The following AKAP6 variants were observed in gnomAD, a reference collection of about 807,000 sequenced individuals.
AKAP6 encodes the protein A-kinase anchoring protein 6, also known as A-kinase anchor protein 6.
A neutral mutation model predicts 188.5 loss-of-function variants in AKAP6; 58 were observed. The observed-to-expected ratio is 0.31, with a 90% CI of 0.25 to 0.38. AKAP6 has a LOEUF of 0.38. Among genes scored for constraint, AKAP6 ranks in the 10% least tolerant of loss-of-function variants. The pLI is 1.00. For missense variants in AKAP6, 2,710 were observed against 2,740.0 expected (o/e 0.99, Z 0.24); for synonymous variants, 989 against 998.6 (o/e 0.99, Z 0.18).
At chr14:32,490,111 G>A (rs10141505) in intron 2 of AKAP6, among the ~76,000 whole-genome samples, 73,842 of 149,142 alleles carry the variant, frequency 0.5, 19,469 homozygotes, top group East Asian at 0.86. Flanking sequence ...CTTCTTAAGG[G>A]TGAGGGAGGT....
intron 11 of AKAP6, among the ~76,000 whole-genome samples, chr14:32,773,208 A>C (rs2032952369): frequency 6.6e-6 from 1 of 152,008 alleles, no homozygotes; most frequent in African/African-American, 2.4e-5. Flanking sequence ...AATTCTTTGC[A>C]ATCTTGTTTA....
At chr14:32,798,045 G>T (rs2033827274) in intron 12 of AKAP6, among the ~76,000 whole-genome samples, 1 of 151,080 alleles carries the variant, frequency 6.6e-6, no homozygotes, top group Non-Finnish European at 1.5e-5. Context: ...AAATCAACAA[G>T]AAAATAACAA....
chr14:32,545,796 G>A lies in AKAP6; in HGVS notation c.1143G>A (p.Glu381=), dbSNP rs146358099. 143 of 1,614,000 alleles carry A rather than the reference G, an allele frequency of 8.9e-5. No individual in the cohort carries two copies. Among genetic ancestry groups the A allele is most frequent in the Non-Finnish European group, 1.1e-4 (131 of 1,180,024 alleles). ...TCAGAGATTGCTTTAATTATAACGA[G>A]GACTCTCCCACGCAGCCTACATTGC... ...RTIRDCFNYN[E]DSPTQPTLPK... Residue 381 remains glutamate, a synonymous_variant, in exon 4 of 14, where the codon GAG becomes GAA. Transcript: ENST00000280979.
chr14:32,488,590 C>T (rs1469211041), intron 2 of AKAP6, among the ~76,000 whole-genome samples: 1 of 152,182 alleles, frequency 6.6e-6, no homozygotes, highest in Non-Finnish European at 1.5e-5. Flanking sequence ...AAAAGAAACT[C>T]CTGCAGCTAG....
At chr14:32,576,305 G>A (rs533444621) in intron 4 of AKAP6, among the ~76,000 whole-genome samples, 1 of 152,168 alleles carries the variant, frequency 6.6e-6, no homozygotes, top group South Asian at 2.1e-4. Context: ...ACCCAGACAC[G>A]GAAAGCAGGA....
chr14:32,673,973 G>A (rs1889326802), intron 7 of AKAP6, among the ~76,000 whole-genome samples: 1 of 152,110 alleles, frequency 6.6e-6, no homozygotes, highest in Non-Finnish European at 1.5e-5. Flanking sequence ...AATTAATCTG[G>A]ATATGAAATA....
At chr14:32,760,696 A>C (rs1312301346) in intron 11 of AKAP6, among the ~76,000 whole-genome samples, 1 of 152,198 alleles carries the variant, frequency 6.6e-6, no homozygotes, top group Non-Finnish European at 1.5e-5. Flanking sequence ...CCTCTAAAGG[A>C]AAATTAGCTT....
intron 7 of AKAP6, among the ~76,000 whole-genome samples, chr14:32,649,016 A>G (rs906192803): frequency 2.0e-5 from 3 of 152,176 alleles, no homozygotes; most frequent in Non-Finnish European, 2.9e-5. Context: ...ATGGATTTCA[A>G]AATAATTAAT....
chr14:32,548,541 GATA>G (rs1883306368), intron 4 of AKAP6, among the ~76,000 whole-genome samples: 1 of 137,104 alleles, frequency 7.3e-6, no homozygotes, highest in Admixed American at 7.4e-5. Context: ...TAGATAGATA[GATA>G]GATAGATAGA....
At chr14:32,457,124 A>G (rs1361260087) in intron 2 of AKAP6, among the ~76,000 whole-genome samples, 1 of 152,226 alleles carries the variant, frequency 6.6e-6, no homozygotes, top group Non-Finnish European at 1.5e-5. Context: ...ATTAAATGGA[A>G]AAAAACAAAT....
intron 11 of AKAP6, among the ~76,000 whole-genome samples, chr14:32,755,064 C>G (rs1048741105): frequency 6.6e-6 from 1 of 152,166 alleles, no homozygotes; most frequent in African/African-American, 2.4e-5. Flanking sequence ...GAAATTTTCT[C>G]TCACTGTTTC....
chr14:32,753,526 G>A (rs1420201590), intron 11 of AKAP6, among the ~76,000 whole-genome samples: 1 of 152,018 alleles, frequency 6.6e-6, no homozygotes. Context: ...TTAGTTTGAT[G>A]TAATTCTATC....
chr14:32,610,190 A>G (rs953740791), intron 7 of AKAP6, among the ~76,000 whole-genome samples: 3 of 152,176 alleles, frequency 2.0e-5, no homozygotes, highest in Non-Finnish European at 4.4e-5. Flanking sequence ...CTTAGGTTCC[A>G]AACGGAGTAG....
chr14:32,340,032 T>C (rs943313660), intron 1 of AKAP6, among the ~76,000 whole-genome samples: 5 of 151,720 alleles, frequency 3.3e-5, no homozygotes, highest in Non-Finnish European at 7.4e-5. Flanking sequence ...ATTTTTAGAA[T>C]GCCTTTTTCT....
intron 4 of AKAP6, among the ~76,000 whole-genome samples, chr14:32,574,289 G>C (rs1302048631): frequency 6.6e-6 from 1 of 152,164 alleles, no homozygotes; most frequent in Non-Finnish European, 1.5e-5. Context: ...AAGAAACCCA[G>C]AGAGAATCCT....
chr14:32,483,531 C>A (rs1879478636), intron 2 of AKAP6, among the ~76,000 whole-genome samples: 4 of 152,040 alleles, frequency 2.6e-5, no homozygotes, highest in Admixed American at 2.6e-4. Flanking sequence ...TTTGCCCAGG[C>A]TGGAGCACAA....
At chr14:32,494,769 A>C (rs2138959739) in intron 2 of AKAP6, among the ~76,000 whole-genome samples, 1 of 152,124 alleles carries the variant, frequency 6.6e-6, no homozygotes, top group South Asian at 2.1e-4. Context: ...CACATCTCTA[A>C]CAAAACTGTC....
At chr14:32,486,292 T>A (rs187662376) in intron 2 of AKAP6, among the ~76,000 whole-genome samples, 1 of 152,324 alleles carries the variant, frequency 6.6e-6, no homozygotes, top group East Asian at 1.9e-4. Flanking sequence ...TTGTCTTGGC[T>A]ATATGGGCTC....
intron 9 of AKAP6, among the ~76,000 whole-genome samples, chr14:32,708,766 C>T (rs1381552188): frequency 6.6e-6 from 1 of 151,980 alleles, no homozygotes; most frequent in African/African-American, 2.4e-5. Context: ...CTCTTTGTGT[C>T]CACCTTGACA....
Sources: allele counts gnomAD v4.1 joint callset (sites outside exome capture counted in the v4.1 genomes callset), GRCh38; gene constraint gnomAD v4.1.1; transcripts MANE v1.5; gene names NCBI Gene and HGNC (gene_info 2026-07-23, HGNC 2026-07-21).